Variants in MID1 observed in about 807,000 individuals in gnomAD.
The protein encoded by MID1 is E3 ubiquitin-protein ligase Midline-1.
Under a neutral mutation model 40.4 loss-of-function variants are expected in MID1, and 7 were observed. The observed-to-expected ratio is 0.17, with a 90% CI of 0.10 to 0.33. The LOEUF (loss-of-function observed/expected upper bound fraction) is 0.33. Ranked by LOEUF, MID1 falls within the 10% of genes least tolerant of loss-of-function variation. The pLI, the probability that MID1 is intolerant of heterozygous loss-of-function variation, is 1.00. For missense variants in MID1, 367 were observed against 558.5 expected, an observed-to-expected ratio of 0.66 and a Z score of 3.46; for synonymous variants, 229 against 221.2, an observed-to-expected ratio of 1.04 and a Z score of -0.31.
chrX:10,787,125 T>G (rs1187831982), intron 1 of MID1, among the ~76,000 whole-genome samples: 2 of 111,407 alleles, frequency 1.8e-5, no homozygotes, highest in African/African-American at 6.5e-5. Flanking sequence ...CTGGTAAGTC[T>G]AAAAAAGGGA....
At chrX:10,538,103 G>T (rs140853527) in intron 2 of MID1, among the ~76,000 whole-genome samples, 2,366 of 111,115 alleles carry the variant, frequency 0.021, 27 homozygotes, top group Non-Finnish European at 0.034. Flanking sequence ...TCCCCAAGTA[G>T]CTGGGACTAT....
chrX:10,786,449 C>T (rs1357690575), intron 1 of MID1, among the ~76,000 whole-genome samples: 1 of 111,136 alleles, frequency 9.0e-6, no homozygotes, highest in Non-Finnish European at 1.9e-5. Context: ...ACCATTTGAC[C>T]CAGCCATCCC....
intron 1 of MID1, among the ~76,000 whole-genome samples, chrX:10,699,460 G>A (rs1207107483): frequency 1.8e-5 from 2 of 111,901 alleles, no homozygotes; most frequent in Non-Finnish European, 3.8e-5. Context: ...TTGAGAAACC[G>A]TTCCATTGTA....
rs1555918721 is a variant in MID1, at chrX:10,730,093, A to AAT, written c.-187+103460_-187+103461insAT. 5.4e-3 allele frequency among the ~76,000 whole-genome samples: 582 copies of AAT among 108,507 alleles called. 4 individuals are homozygous for AAT. The highest frequency in any genetic ancestry group is 0.018 in the African/African-American group (553 of 29,900). The allele number at this position is 108,507 out of a possible 115,157, so 94.2% of individuals were successfully genotyped here. ...AGCGAGACTCCATCTCAAAAAAAAA[A>AAT]AAATAAATAAATGAATAAATAAATA... On this transcript the variant is annotated intron_variant, in intron 1 of 10. Coordinates refer to the MID1 transcript ENST00000380785.
chrX:10,551,197 G>T (rs1034808261), intron 2 of MID1, among the ~76,000 whole-genome samples: 1 of 112,241 alleles, frequency 8.9e-6, no homozygotes, highest in Non-Finnish European at 1.9e-5. Flanking sequence ...GTCTATACAT[G>T]TTCAGTACAA....
At chrX:10,542,984 C>G (rs753976792) in intron 2 of MID1, among the ~76,000 whole-genome samples, 2 of 112,323 alleles carry the variant, frequency 1.8e-5, no homozygotes, top group East Asian at 5.6e-4. Flanking sequence ...TATAAGTGCT[C>G]ACAATAATAT....
At chrX:10,648,560 T>C (rs181177101) in intron 1 of MID1, among the ~76,000 whole-genome samples, 11 of 112,344 alleles carry the variant, frequency 9.8e-5, no homozygotes, top group African/African-American at 3.5e-4. Context: ...CTTTTCTTCA[T>C]TTGCTAAATA....
chrX:10,736,840 C>T (rs1229244379), intron 1 of MID1, among the ~76,000 whole-genome samples: 2 of 112,009 alleles, frequency 1.8e-5, no homozygotes, highest in East Asian at 5.6e-4. Context: ...GCTCAAATTC[C>T]TCATTTTTTA....
chrX:10,746,723 G>C (rs1414633032), intron 1 of MID1, among the ~76,000 whole-genome samples: 2 of 110,363 alleles, frequency 1.8e-5, no homozygotes, highest in Non-Finnish European at 3.8e-5. Context: ...ATGCCCAGTG[G>C]TTTAGAAATG....
At chrX:10,715,407 C>T (rs1047945761) in intron 1 of MID1, among the ~76,000 whole-genome samples, 1 of 112,422 alleles carries the variant, frequency 8.9e-6, no homozygotes, top group African/African-American at 3.2e-5. Context: ...TATCCCATGC[C>T]TGGCTCGGAG....
intron 8 of MID1, among the ~76,000 whole-genome samples, chrX:10,459,230 G>A (rs143619895): frequency 0.015 from 1,723 of 111,542 alleles, 13 homozygotes; most frequent in Non-Finnish European, 0.025. Context: ...CACAGACTCC[G>A]ACTGTTTTCT....
chrX:10,776,307 CCAGA>C (rs2043802352), intron 1 of MID1, among the ~76,000 whole-genome samples: 1 of 111,760 alleles, frequency 8.9e-6, no homozygotes, highest in African/African-American at 3.3e-5. Flanking sequence ...GTTACAGAAT[CCAGA>C]CAGAGTGTAG....
chrX:10,830,542 T>C (rs2044246306), intron 1 of MID1, among the ~76,000 whole-genome samples: 1 of 112,551 alleles, frequency 8.9e-6, no homozygotes, highest in South Asian at 3.7e-4. Context: ...CAGAGAAAGT[T>C]CACCAGTGAT....
chrX:10,735,243 T>C (rs2043479874), intron 1 of MID1, among the ~76,000 whole-genome samples: 2 of 111,975 alleles, frequency 1.8e-5, no homozygotes, highest in Admixed American at 1.9e-4. Flanking sequence ...GTTGGGATTA[T>C]AGGCATGCGC....
intron 1 of MID1, among the ~76,000 whole-genome samples, chrX:10,662,655 A>G (rs2042923281): frequency 8.9e-6 from 1 of 112,109 alleles, no homozygotes; most frequent in South Asian, 3.8e-4. Flanking sequence ...TTTATAATAT[A>G]TACTGCTGAT....
At chrX:10,677,718 C>T (rs1302835118) in intron 1 of MID1, 1 of 112,212 alleles carries the variant, frequency 8.9e-6, no homozygotes, top group Non-Finnish European at 1.9e-5. Context: ...CTGCCTCTTT[C>T]ATAGTGACCC....
At chrX:10,792,723 A>G (rs2043941263) in intron 1 of MID1, among the ~76,000 whole-genome samples, 1 of 111,692 alleles carries the variant, frequency 9.0e-6, no homozygotes, top group African/African-American at 3.3e-5. Context: ...AGTGGTTGCC[A>G]GGGGCTAGGG....
At chrX:10,592,952 TA>T (rs1935339412) in intron 1 of MID1, among the ~76,000 whole-genome samples, 1 of 112,342 alleles carries the variant, frequency 8.9e-6, no homozygotes, top group Non-Finnish European at 1.9e-5. Context: ...AGATCATCAT[TA>T]AAAAGACCTT....
intron 1 of MID1, among the ~76,000 whole-genome samples, chrX:10,825,281 T>A (rs748396773): frequency 1.8e-5 from 2 of 111,744 alleles, no homozygotes; most frequent in Middle Eastern, 4.2e-3. Context: ...CCACAAGGTT[T>A]AACCTCCTCC....
Sources: gnomAD v4.1 joint callset for allele counts (sites outside exome capture counted in the v4.1 genomes callset) on GRCh38, gnomAD v4.1.1 for gene constraint, MANE v1.5 for transcripts, NCBI Gene and HGNC (gene_info 2026-07-23, HGNC 2026-07-21) for gene names.